Variants in SCN11A observed in about 807,000 individuals in gnomAD.
SCN11A encodes the protein sodium voltage-gated channel alpha subunit 11.
In SCN11A, 122 loss-of-function variants were observed where a neutral mutation model predicts 162.2. That is an observed-to-expected ratio of 0.75 (90% CI 0.65 to 0.87). The LOEUF is 0.87. Among genes scored for constraint, SCN11A ranks in the 40% least tolerant of loss-of-function variants. The pLI is 0.00. For missense variants in SCN11A, 2,015 were observed against 2,181.6 expected, an observed-to-expected ratio of 0.92 and a Z score of 1.52; for synonymous variants, 758 against 751.5, an observed-to-expected ratio of 1.01 and a Z score of -0.14.
intron 22 of SCN11A, among the ~76,000 whole-genome samples, chr3:38,881,185 T>C (rs1559504485): frequency 6.6e-6 from 1 of 152,222 alleles, no homozygotes; most frequent in Non-Finnish European, 1.5e-5. Context: ...TAGGAAACTG[T>C]CCCGTTCCAG....
rs1008083883 is a variant in SCN11A at position 38,946,776 on chromosome 3, A to C, written c.386+13T>G. The C allele has an allele frequency of 4.6e-6, 7 of 1,527,850 alleles. No homozygotes were observed. In the Admixed American group the frequency reaches 1.0e-4, roughly 23 times the overall value. The allele number at this position is 1,527,850 out of a possible 1,614,324, so 94.6% of individuals were successfully genotyped here. A position where few individuals can be genotyped will look rare whatever the true frequency, so the allele number is the denominator to read the frequency against. On this transcript the variant is annotated intron_variant, in intron 6 of 29. Coordinates refer to ENST00000302328, the MANE Select transcript of SCN11A (RefSeq NM_001349253.2). Reference sequence around the variant, plus strand: ...ATGATCTGGACTTAGTAAAAGGTGCAATGAAAGGATATGAATGGACTGAGA... The same window carrying C: ...ATGATCTGGACTTAGTAAAAGGTGCCATGAAAGGATATGAATGGACTGAGA...
chr3:39,004,869 C>A (rs2030923466), intron 2 of SCN11A, among the ~76,000 whole-genome samples: 1 of 152,080 alleles, frequency 6.6e-6, no homozygotes, highest in Non-Finnish European at 1.5e-5. Context: ...TGTAGCAGGA[C>A]AAGCTGCAGA....
At chr3:39,003,861 A>G (rs1056604547) in intron 2 of SCN11A, among the ~76,000 whole-genome samples, 1 of 150,256 alleles carries the variant, frequency 6.7e-6, no homozygotes, top group African/African-American at 2.4e-5. Context: ...TCCTTTGCCC[A>G]CTTTTTAATG....
intron 2 of SCN11A, among the ~76,000 whole-genome samples, chr3:39,027,367 T>G (rs1205933968): frequency 1.3e-5 from 2 of 152,210 alleles, no homozygotes; most frequent in Non-Finnish European, 2.9e-5. Context: ...TACTGGGTTT[T>G]GGGGGTCATT....
At position 38,872,299 on chromosome 3, in the gene SCN11A, T is replaced by C. The variant is rs1447416018; in HGVS notation, c.3394-5A>G. The C allele has an allele frequency of 6.6e-7, 1 of 1,518,210 alleles. No homozygotes were observed. Among genetic ancestry groups the C allele is most frequent in the Non-Finnish European group, 9.1e-7 (1 of 1,093,068 alleles). 94.0% of individuals were successfully genotyped at this position (1,518,210 alleles called of 1,614,324 possible). On this transcript the variant is annotated splice_polypyrimidine_tract_variant and splice_region_variant and intron_variant, in intron 23 of 29. Coordinates refer to ENST00000302328, the MANE Select transcript of SCN11A (RefSeq NM_001349253.2). ...AATGAGGGTGGTCACAGAGACCTGATGGGAAGAGAGGCCACAGATAATGTA... is the reference window on the plus strand; with the variant it reads ...AATGAGGGTGGTCACAGAGACCTGACGGGAAGAGAGGCCACAGATAATGTA...
At chr3:38,863,075 T>G in intron 28 of SCN11A, 120 bp downstream of exon 28, 1 of 669,320 alleles carries the variant, frequency 1.5e-6, no homozygotes, top group Non-Finnish European at 2.7e-6. Context: ...TGTCTTGACT[T>G]CTGTTGAGTC....
intron 19 of SCN11A, among the ~76,000 whole-genome samples, chr3:38,887,225 C>A (rs961191159): frequency 1.3e-5 from 2 of 152,028 alleles, no homozygotes; most frequent in African/African-American, 4.8e-5. Context: ...AGAACAGAAC[C>A]TACTTCAGGC....
Position 38,886,250 on chromosome 3 carries a change from A to G in SCN11A, c.2836-12T>C, listed in dbSNP as rs2065398888. ...TGGAGCTCATAGGCCTAACACAGAG[A>G]GCCCAGAATAGAATTAATATTCCTC... On this transcript the variant is annotated splice_polypyrimidine_tract_variant and intron_variant, in intron 19 of 29. Coordinates refer to ENST00000302328, the MANE Select transcript of SCN11A (RefSeq NM_001349253.2). The G allele has an allele frequency of 6.5e-7, 1 of 1,544,742 alleles. No individual in the cohort carries two copies. Among genetic ancestry groups the G allele is most frequent in the South Asian group, 1.1e-5 (1 of 88,914 alleles).
intron 7 of SCN11A, among the ~76,000 whole-genome samples, chr3:38,943,048 C>T (rs750154962): frequency 1.1e-4 from 16 of 151,836 alleles, no homozygotes; most frequent in Non-Finnish European, 1.8e-4. Context: ...TCATAATAGC[C>T]CTAAACTGGA....
At chr3:38,935,677 G>T (rs887711826) in intron 7 of SCN11A, among the ~76,000 whole-genome samples, 2 of 152,160 alleles carry the variant, frequency 1.3e-5, no homozygotes, top group African/African-American at 4.8e-5. Flanking sequence ...ACTAAACCAG[G>T]AAGAAGTTGA....
Position 38,925,464 on chromosome 3 carries a change from C to T in SCN11A, c.663G>A (p.Leu221=). The T allele has an allele frequency of 3.1e-6, 5 of 1,613,900 alleles. No homozygotes were observed. Among genetic ancestry groups the T allele is most frequent in the Non-Finnish European group, 4.2e-6 (5 of 1,179,792 alleles). The change falls in exon 9 of 30, where the codon CTG becomes CTA. Residue 221 remains leucine (L), a synonymous_variant. Transcript: ENST00000302328. ...IPGITIKLLP[L]RTFRVFRALK... is the part of the protein sequence containing the mutation. Reference sequence around the variant, plus strand: ...AAGCTCTGAACACACGGAAGGTACGCAGGGGCAATAGTTTGATGGTGATTC... The same window carrying T: ...AAGCTCTGAACACACGGAAGGTACGTAGGGGCAATAGTTTGATGGTGATTC...
At chr3:38,868,677 T>C (rs2065078885) in intron 26 of SCN11A, among the ~76,000 whole-genome samples, 1 of 152,208 alleles carries the variant, frequency 6.6e-6, no homozygotes, top group South Asian at 2.1e-4. Flanking sequence ...ATGTGTGTCC[T>C]GATTATCCCT....
chr3:38,948,375 G>T (rs2066549811), intron 5 of SCN11A, among the ~76,000 whole-genome samples: 1 of 152,158 alleles, frequency 6.6e-6, no homozygotes, highest in African/African-American at 2.4e-5. Flanking sequence ...AACTCTACAT[G>T]CCAGGGTTTT....
intron 2 of SCN11A, among the ~76,000 whole-genome samples, chr3:38,964,353 A>C (rs1575339587): frequency 6.6e-6 from 1 of 152,224 alleles, no homozygotes; most frequent in Non-Finnish European, 1.5e-5. Context: ...CATTTAGCAA[A>C]GATGACATTG....
chr3:39,038,301 A>T (rs1401229950), intron 1 of SCN11A, among the ~76,000 whole-genome samples: 1 of 152,232 alleles, frequency 6.6e-6, no homozygotes, highest in African/African-American at 2.4e-5. Context: ...AGTCAAGCTG[A>T]GGTTACATGA....
intron 12 of SCN11A, among the ~76,000 whole-genome samples, chr3:38,909,847 C>T (rs549537201): frequency 2.0e-5 from 3 of 152,234 alleles, no homozygotes; most frequent in East Asian, 3.9e-4. Context: ...GCTAGGATTA[C>T]AGGCGGGAGT....
Position 38,896,957 on chromosome 3 carries a change from A to G in SCN11A, c.2291T>C (p.Ile764Thr), listed in dbSNP as rs2065610399. The G allele has an allele frequency of 1.9e-6, 3 of 1,614,138 alleles. No homozygotes were observed. The highest frequency in any genetic ancestry group is 2.5e-6 in the Non-Finnish European group (3 of 1,180,030). ...ATTTTCGATCCATTCCCCGCAGAGGATGCGGAATACCACTAGGAAGGAGTG... is the reference window on the plus strand; with the variant it reads ...ATTTTCGATCCATTCCCCGCAGAGGGTGCGGAATACCACTAGGAAGGAGTG... ...FWHSFLVVFRILCGEWIENMW... is the reference protein window; with the variant it reads ...FWHSFLVVFRTLCGEWIENMW... Residue 764 changes from isoleucine (I) to threonine (T), a missense_variant, in exon 18 of 30, where the codon ATC (isoleucine) becomes ACC (threonine). Ile to Thr is a moderately conservative substitution (Grantham distance 89). Coordinates refer to ENST00000302328, the MANE Select transcript of SCN11A (RefSeq NM_001349253.2).
chr3:38,847,246 A>G lies in SCN11A; in HGVS notation c.4824T>C (p.Asn1608=), dbSNP rs1473811988. The stretch of plus-strand genomic sequence containing the variant: ...GGTCCTCACTTTCTTCAGTGGCTGT[A>G]TTGAAGTTCTCTAAAATCACAGCAA... The part of the protein sequence containing the change: ...MYIAVILENF[N]TATEESEDPL... Residue 1608 remains asparagine (N), a synonymous_variant, in exon 30 of 30, where the codon AAT becomes AAC. Transcript: ENST00000302328. 2 of 1,614,166 alleles carry G rather than the reference A, an allele frequency of 1.2e-6. No homozygotes were observed. Among genetic ancestry groups the G allele is most frequent in the African/African-American group, 2.7e-5 (2 of 75,066 alleles).
chr3:38,979,760 C>T (rs2029949492), intron 2 of SCN11A, among the ~76,000 whole-genome samples: 1 of 152,168 alleles, frequency 6.6e-6, no homozygotes, highest in African/African-American at 2.4e-5. Context: ...CAGACCCCTC[C>T]AGCCTTTGTC....
Sources: allele counts gnomAD v4.1 joint callset (sites outside exome capture counted in the v4.1 genomes callset), GRCh38; gene constraint gnomAD v4.1.1; transcripts MANE v1.5; gene names NCBI Gene and HGNC (gene_info 2026-07-23, HGNC 2026-07-21).